The following NARS2 variants were observed in gnomAD, a reference collection of about 807,000 sequenced individuals.
NARS2 encodes the protein asparaginyl-tRNA synthetase.
In NARS2, 60 loss-of-function variants were observed where a neutral mutation model predicts 62.9. The ratio of observed to expected loss-of-function variants is 0.95; its 90% confidence interval spans 0.77 to 1.18. The LOEUF (loss-of-function observed/expected upper bound fraction) is 1.18, where lower values mean the gene tolerates loss of function less well. Ranked by LOEUF, NARS2 falls within the 50% of genes most tolerant of loss-of-function variation. The probability of loss-of-function intolerance (pLI) is 0.00; values close to 1 mark genes in which losing one functional copy is unlikely to be tolerated. For synonymous variants in NARS2, 196 were observed against 200.0 expected, an observed-to-expected ratio of 0.98 and a Z score of 0.17; for missense variants, 619 against 576.4, an observed-to-expected ratio of 1.07 and a Z score of -0.76.
Position 78,495,934 on chromosome 11 carries a change from T to C in NARS2, c.690-2739A>G, listed in dbSNP as rs546886089. Among the ~76,000 whole-genome samples the C allele has an allele frequency of 9.9e-5, 15 of 152,234 alleles. No individual in the cohort carries two copies. The South Asian group carries it at 2.1e-3, about 21-fold the overall frequency. On this transcript the variant is annotated intron_variant, in intron 6 of 13. Transcript: ENST00000281038. Reference sequence around the variant, plus strand: ...CAGGATGCTCCAAGATGAGCAGCAATAGGGATTTTTAAATTTTGCAGTGGT... The same window carrying C: ...CAGGATGCTCCAAGATGAGCAGCAACAGGGATTTTTAAATTTTGCAGTGGT...
chr11:78,559,129 C>T (rs1375046426), intron 5 of NARS2, among the ~76,000 whole-genome samples: 2 of 151,658 alleles, frequency 1.3e-5, no homozygotes, highest in Admixed American at 1.3e-4. Flanking sequence ...CAAGAGAAAC[C>T]CCGTCTCTAC....
At chr11:78,514,781 C>T (rs560971739) in intron 6 of NARS2, among the ~76,000 whole-genome samples, 17 of 152,180 alleles carry the variant, frequency 1.1e-4, no homozygotes, top group African/African-American at 3.1e-4. Flanking sequence ...TTTCCAAAGG[C>T]GGCAAGCAGA....
chr11:78,504,352 G>A (rs1209957460), intron 6 of NARS2, among the ~76,000 whole-genome samples: 1 of 150,938 alleles, frequency 6.6e-6, no homozygotes, highest in Non-Finnish European at 1.5e-5. Flanking sequence ...CTTGGGTTTT[G>A]CATATTCTCC....
At chr11:78,515,221 C>T (rs1860860729) in intron 6 of NARS2, among the ~76,000 whole-genome samples, 2 of 151,988 alleles carry the variant, frequency 1.3e-5, no homozygotes, top group Admixed American at 6.6e-5. Flanking sequence ...GCTCCCCCAC[C>T]CACCCATCAG....
At chr11:78,461,602 TAA>T (rs59664343) in intron 11 of NARS2, among the ~76,000 whole-genome samples, 1,606 of 63,948 alleles carry the variant, frequency 0.025, 45 homozygotes, top group African/African-American at 0.085. Flanking sequence ...GCTGTGCTGG[TAA>T]AAAAAAAAAA....
intron 5 of NARS2, among the ~76,000 whole-genome samples, chr11:78,537,228 T>C (rs1194990638): frequency 6.6e-6 from 1 of 152,164 alleles, no homozygotes; most frequent in Non-Finnish European, 1.5e-5. Context: ...TGTGTGTGTG[T>C]TAAGTCACGA....
chr11:78,535,183 T>C (rs2135443445), intron 5 of NARS2, among the ~76,000 whole-genome samples: 1 of 152,314 alleles, frequency 6.6e-6, no homozygotes, highest in African/African-American at 2.4e-5. Context: ...TGGCAGATAG[T>C]GTGATGTGAA....
At chr11:78,503,484 C>T (rs962920273) in intron 6 of NARS2, among the ~76,000 whole-genome samples, 5 of 152,230 alleles carry the variant, frequency 3.3e-5, no homozygotes, top group East Asian at 3.9e-4. Context: ...GTGATCCACC[C>T]GCCTCAGCCT....
intron 6 of NARS2, among the ~76,000 whole-genome samples, chr11:78,507,900 A>C (rs1014348876): frequency 6.6e-6 from 1 of 152,194 alleles, no homozygotes; most frequent in Non-Finnish European, 1.5e-5. Context: ...AAATCCACAG[A>C]AATTGTCCCT....
intron 11 of NARS2, among the ~76,000 whole-genome samples, chr11:78,461,480 T>A (rs542504758): frequency 6.6e-6 from 1 of 151,656 alleles, no homozygotes; most frequent in East Asian, 1.9e-4. Flanking sequence ...GACTTAAAAG[T>A]CTGCTGGATT....
At chr11:78,491,066 G>A (rs1418435727) in intron 7 of NARS2, among the ~76,000 whole-genome samples, 1 of 152,204 alleles carries the variant, frequency 6.6e-6, no homozygotes, top group Admixed American at 6.5e-5. Flanking sequence ...TAGGGGATGG[G>A]CTCAAGTGAA....
intron 6 of NARS2, among the ~76,000 whole-genome samples, chr11:78,509,810 G>A (rs1197695569): frequency 5.9e-5 from 8 of 135,506 alleles, no homozygotes; most frequent in Non-Finnish European, 1.2e-4. Context: ...CTGGGTGATG[G>A]AGTGAGACTC....
chr11:78,463,668 A>G (rs888873987), intron 11 of NARS2, among the ~76,000 whole-genome samples: 3 of 140,180 alleles, frequency 2.1e-5, no homozygotes, highest in Non-Finnish European at 4.6e-5. Context: ...CCTGGGTGAC[A>G]AGAGTGAAAT....
intron 5 of NARS2, among the ~76,000 whole-genome samples, chr11:78,547,209 T>C (rs892860235): frequency 5.3e-5 from 8 of 151,946 alleles, no homozygotes; most frequent in Non-Finnish European, 1.2e-4. Flanking sequence ...TGCACACCCA[T>C]AGTACTAGCT....
At chr11:78,469,105 T>G (rs1285157911) in intron 10 of NARS2, 142 bp downstream of exon 10, 1 of 557,544 alleles carries the variant, frequency 1.8e-6, no homozygotes, top group African/African-American at 1.9e-5. Context: ...ATCAAAATCT[T>G]AAGTCTGTGT....
chr11:78,544,619 C>T (rs1277828563), intron 5 of NARS2, among the ~76,000 whole-genome samples: 1 of 151,948 alleles, frequency 6.6e-6, no homozygotes, highest in Non-Finnish European at 1.5e-5. Context: ...ACGGTGAAAC[C>T]CCGTCTCTAC....
At chr11:78,446,406 T>G (rs904505823) in intron 11 of NARS2, among the ~76,000 whole-genome samples, 5 of 152,238 alleles carry the variant, frequency 3.3e-5, no homozygotes, top group Admixed American at 3.3e-4. Context: ...ACCCTGCAGT[T>G]ATCCCTTCTG....
chr11:78,465,450 G>C (rs57655103), intron 11 of NARS2, among the ~76,000 whole-genome samples: 2,455 of 152,370 alleles, frequency 0.016, 57 homozygotes, highest in African/African-American at 0.056. Context: ...AGGGCTACCA[G>C]CACGCTGTCA....
chr11:78,539,023 A>AAAAAAAT (rs1483737480), intron 5 of NARS2, among the ~76,000 whole-genome samples: 1 of 130,468 alleles, frequency 7.7e-6, no homozygotes, highest in African/African-American at 2.8e-5. Flanking sequence ...AAAAAAAAAA[A>AAAAAAAT]AAAGATGAGG....
Sources: allele counts gnomAD v4.1 joint callset (sites outside exome capture counted in the v4.1 genomes callset), GRCh38; gene constraint gnomAD v4.1.1; transcripts MANE v1.5; gene names NCBI Gene and HGNC (gene_info 2026-07-23, HGNC 2026-07-21).